Variants in OAS1 observed in about 807,000 individuals in gnomAD.
OAS1 encodes the protein 2'-5'-oligoadenylate synthase 1.
A neutral mutation model predicts 38.5 loss-of-function variants in OAS1; 24 were observed. The ratio of observed to expected loss-of-function variants is 0.62; its 90% CI spans 0.45 to 0.88. OAS1 has a LOEUF of 0.88. OAS1 is among the 40% of genes least tolerant of loss of function. The pLI, the probability that OAS1 is intolerant of heterozygous loss-of-function variation, is 0.00. For missense variants in OAS1, 482 were observed against 493.9 expected (o/e 0.98, Z 0.23); for synonymous variants, 169 against 193.9 (o/e 0.87, Z 1.07).
chr12:112,928,777 G>A (rs146674164), intron 6 of OAS1, among the ~76,000 whole-genome samples: 53 of 152,334 alleles, frequency 3.5e-4, no homozygotes, highest in African/African-American at 1.2e-3. Flanking sequence ...AGTAACCATC[G>A]TCTTTAGTGG....
chr12:112,908,542 T>C lies in OAS1; in HGVS notation c.187T>C (p.Ser63Pro), dbSNP rs539664728. Reference sequence around the variant, plus strand: ...TTTTTGTCGTCTTTTTCAGGGTGGCTCCTCAGGCAAGGGCACCACCCTCAG... The same window carrying C: ...TTTTTGTCGTCTTTTTCAGGGTGGCCCCTCAGGCAAGGGCACCACCCTCAG... Reference protein sequence around the residue: ...VCVSKVVKGGSSGKGTTLRGR... With the variant: ...VCVSKVVKGGPSGKGTTLRGR... Residue 63 changes from serine (S) to proline (P), a missense_variant, in exon 2 of 6, where the codon TCC (serine) becomes CCC (proline). Transcript: ENST00000202917. 7.5e-6 allele frequency: 12 copies of C among 1,606,048 alleles called. No individual in the cohort carries two copies. The highest frequency in any genetic ancestry group is 1.7e-4 in the Middle Eastern group (1 of 6,014).
rs1379368384 is a variant in OAS1, at chr12:112,916,721, G to T, written c.867G>T (p.Arg289Ser). The T allele has an allele frequency of 5.0e-6, 8 of 1,613,926 alleles. No individual in the cohort carries two copies. The highest frequency in any genetic ancestry group is 6.8e-6 in the Non-Finnish European group (8 of 1,179,852). ...KNPIIEKYLR[R>S]QLTKPRPVIL... is the part of the protein sequence containing the mutation. ...CCATTATTGAAAAGTACCTGAGAAG[G>T]CAGCTCACGAAACCCAGGTATGCTA... Residue 289 changes from arginine (R) to serine (S), a missense_variant, in exon 4 of 6, where the codon AGG (arginine) becomes AGT (serine). Coordinates refer to ENST00000202917, the MANE Select transcript of OAS1 (RefSeq NM_016816.4).
chr12:112,913,870 A>G (rs1355837378), intron 3 of OAS1, among the ~76,000 whole-genome samples: 1 of 152,210 alleles, frequency 6.6e-6, no homozygotes, highest in Non-Finnish European at 1.5e-5. Context: ...GTATACATAT[A>G]TGGCTCTGAT....
At chr12:112,922,610 C>G (rs1039504429), downstream of OAS1, among the ~76,000 whole-genome samples, 6 of 152,170 alleles carry the variant, frequency 3.9e-5, no homozygotes, top group Non-Finnish European at 7.3e-5. Flanking sequence ...GAGGCCACCA[C>G]CAGAACACCT....
rs143035510 is a variant in OAS1 at position 112,916,748 on chromosome 12, C to G, written c.884+10C>G. 1 of 1,589,810 alleles carries G rather than the reference C, an allele frequency of 6.3e-7. No individual in the cohort carries two copies. Among genetic ancestry groups the G allele is most frequent in the Non-Finnish European group, 8.6e-7 (1 of 1,158,012 alleles). On this transcript the variant is annotated intron_variant, in intron 4 of 5. Transcript: ENST00000202917. ...AGCTCACGAAACCCAGGTATGCTAT[C>G]CCCACATGGCTTAGCTCCCCTATGT...
chr12:112,923,334 G>T (rs2043541479), downstream of OAS1, among the ~76,000 whole-genome samples: 1 of 152,204 alleles, frequency 6.6e-6, no homozygotes, highest in East Asian at 1.9e-4. Flanking sequence ...CCAACAGTGT[G>T]CAAGAGTTCC....
Position 112,908,815 on chromosome 12 carries a change from G to T in OAS1, c.460G>T (p.Asp154Tyr). 6.3e-7 allele frequency: 1 copy of T among 1,591,084 alleles called. No individual in the cohort carries two copies. Among genetic ancestry groups the T allele is most frequent in the Non-Finnish European group, 8.6e-7 (1 of 1,166,672 alleles). The stretch of plus-strand genomic sequence containing the variant: ...GGAGTTCGATGTGCTGCCTGCCTTT[G>T]ATGCCCTGGGTGAGAGCTCCCAGCT... ...GVEFDVLPAFDALGQLTGGYK... is the reference protein window; with the variant it reads ...GVEFDVLPAFYALGQLTGGYK... The change falls in exon 2 of 6, where the codon GAT (aspartate) becomes TAT (tyrosine). Residue 154 changes from aspartate to tyrosine, a missense_variant. Asp to Tyr is a radical substitution (Grantham distance 160, BLOSUM62 -3). Transcript: ENST00000202917.
chr12:112,917,898 T>C, intron 5 of OAS1, 198 bp downstream of exon 5: 1 of 1,461,632 alleles, frequency 6.8e-7, no homozygotes, highest in Non-Finnish European at 9.0e-7. Context: ...TCACATCCCT[T>C]GTCCAGAATT....
chr12:112,916,981 CT>C (rs1040461849), intron 4 of OAS1: 22 of 500,152 alleles, frequency 4.4e-5, no homozygotes, highest in Non-Finnish European at 7.6e-5. Context: ...AGGTAAGGAG[CT>C]TGTCCAACCC....
At chr12:112,910,292 C>T (rs527595652) in intron 2 of OAS1, among the ~76,000 whole-genome samples, 6 of 151,938 alleles carry the variant, frequency 3.9e-5, no homozygotes, top group Non-Finnish European at 7.4e-5. Context: ...TGCTTGAACC[C>T]AGGAGATGGA....
In OAS1 at chr12:112,907,193, C is replaced by A; in HGVS notation, c.154C>A (p.Pro52Thr). The change falls in exon 1 of 6, where the codon CCT (proline) becomes ACT (threonine). Residue 52 changes from proline (P) to threonine (T), a missense_variant. Transcript: ENST00000202917. ...AAGGTGCTTCCGAGGTAGCTCCTACCCTGTGTGTGTGTCCAAGGTGGTAAA... is the reference window on the plus strand; with the variant it reads ...AAGGTGCTTCCGAGGTAGCTCCTACACTGTGTGTGTGTCCAAGGTGGTAAA... ...KERCFRGSSYPVCVSKVVKGG... is the reference protein window; with the variant it reads ...KERCFRGSSYTVCVSKVVKGG... 1.9e-6 allele frequency: 3 copies of A among 1,614,092 alleles called. No homozygotes were observed. Among genetic ancestry groups the A allele is most frequent in the Non-Finnish European group, 1.7e-6 (2 of 1,180,026 alleles).
rs113850824 is a variant in OAS1 at position 112,917,737 on chromosome 12, G to A, written c.1038+37G>A. The A allele has an allele frequency of 2.5e-5, 41 of 1,614,124 alleles. 2 individuals carry two copies. In the African/African-American group the frequency reaches 2.9e-4, roughly 12 times the overall value. On this transcript the variant is annotated intron_variant, in intron 5 of 5. Coordinates refer to ENST00000202917, the MANE Select transcript of OAS1 (RefSeq NM_016816.4). ...TGCTTCCTCCCTGCCATTCATCCCT[G>A]CCCCTCTCCATGAAGCTTGAGACAT...
At chr12:112,908,447 C>G (rs2043326349) in intron 1 of OAS1, 89 bp from the exon 2 acceptor site, 2 of 1,260,578 alleles carry the variant, frequency 1.6e-6, no homozygotes, top group Non-Finnish European at 2.2e-6. Flanking sequence ...GTGGCTAGTG[C>G]TCCATAATGT....
At chr12:112,922,321 T>C (rs2043535172), downstream of OAS1, among the ~76,000 whole-genome samples, 1 of 152,174 alleles carries the variant, frequency 6.6e-6, no homozygotes, top group Admixed American at 6.5e-5. Flanking sequence ...TGACTTTTTA[T>C]TGGAATGGCT....
Position 112,908,816 on chromosome 12 carries a change from A to G in OAS1, c.461A>G (p.Asp154Gly), listed in dbSNP as rs776374570. ...GAGTTCGATGTGCTGCCTGCCTTTGATGCCCTGGGTGAGAGCTCCCAGCTT... is the reference window on the plus strand; with the variant it reads ...GAGTTCGATGTGCTGCCTGCCTTTGGTGCCCTGGGTGAGAGCTCCCAGCTT... ...GVEFDVLPAF[D>G]ALGQLTGGYK... Residue 154 changes from aspartate to glycine, a missense_variant, in exon 2 of 6, where the codon GAT (aspartate) becomes GGT (glycine). Asp to Gly is a moderately conservative substitution (Grantham distance 94). Coordinates refer to ENST00000202917, the MANE Select transcript of OAS1 (RefSeq NM_016816.4). 3.8e-6 allele frequency: 6 copies of G among 1,591,158 alleles called. No homozygotes were observed. Among genetic ancestry groups the G allele is most frequent in the Non-Finnish European group, 5.1e-6 (6 of 1,166,738 alleles).
At chr12:112,925,355 C>G (rs1401597619) in intron 6 of OAS1, among the ~76,000 whole-genome samples, 1 of 152,172 alleles carries the variant, frequency 6.6e-6, no homozygotes, top group Non-Finnish European at 1.5e-5. Context: ...GGTGCCAGGG[C>G]CCCTCTCCCA....
At chr12:112,907,455 C>T (rs560136007) in intron 1 of OAS1, among the ~76,000 whole-genome samples, 1 of 152,364 alleles carries the variant, frequency 6.6e-6, no homozygotes, top group East Asian at 1.9e-4. Flanking sequence ...CTCCCCCCTA[C>T]TTCCCGCTGA....
At chr12:112,915,631 G>A (rs1347319676) in intron 3 of OAS1, among the ~76,000 whole-genome samples, 1 of 152,088 alleles carries the variant, frequency 6.6e-6, no homozygotes, top group Non-Finnish European at 1.5e-5. Context: ...TGAATTTTAG[G>A]ATTGTTTTTT....
intron 6 of OAS1, among the ~76,000 whole-genome samples, chr12:112,925,837 T>C (rs2043555147): frequency 6.6e-6 from 1 of 152,182 alleles, no homozygotes; most frequent in Non-Finnish European, 1.5e-5. Flanking sequence ...CAATTGTGGC[T>C]CTTAGTGTTA....
Sources: gnomAD v4.1 joint callset for allele counts (sites outside exome capture counted in the v4.1 genomes callset) on GRCh38, gnomAD v4.1.1 for gene constraint, MANE v1.5 for transcripts, NCBI Gene and HGNC (gene_info 2026-07-23, HGNC 2026-07-21) for gene names.